Variants in PPP2R5C observed in about 807,000 individuals in gnomAD.
The protein encoded by PPP2R5C is protein phosphatase 2 regulatory subunit B'gamma.
In PPP2R5C, 7 loss-of-function variants were observed where a neutral mutation model predicts 68.9. The ratio of observed to expected loss-of-function variants is 0.10; its 90% CI spans 0.06 to 0.19. The LOEUF is 0.19. Among genes scored for constraint, PPP2R5C ranks in the 10% least tolerant of loss-of-function variants. The probability of loss-of-function intolerance (pLI) is 1.00; values close to 1 mark genes in which losing one functional copy is unlikely to be tolerated. For synonymous variants in PPP2R5C, 210 were observed against 222.2 expected, an observed-to-expected ratio of 0.95 and a Z score of 0.49; for missense variants, 348 against 641.3, an observed-to-expected ratio of 0.54 and a Z score of 4.94.
At chr14:101,833,104 G>A (rs750629651) in intron 1 of PPP2R5C, among the ~76,000 whole-genome samples, 5 of 152,228 alleles carry the variant, frequency 3.3e-5, no homozygotes, top group Admixed American at 6.5e-5. Flanking sequence ...GTGAGAAGTC[G>A]TCAGTAGCTT....
At chr14:101,806,150 G>A (rs2039065261), upstream of PPP2R5C, among the ~76,000 whole-genome samples, 1 of 151,832 alleles carries the variant, frequency 6.6e-6, no homozygotes. Flanking sequence ...GTGCAGGTTT[G>A]TTGCATAGGT....
chr14:101,800,530 T>C (rs1373561377), intron 3 of PPP2R5C, among the ~76,000 whole-genome samples: 1 of 151,498 alleles, frequency 6.6e-6, no homozygotes, highest in Non-Finnish European at 1.5e-5. Context: ...GCCATTGCAC[T>C]CCAGCCTGGG....
intron 2 of PPP2R5C, among the ~76,000 whole-genome samples, chr14:101,863,951 T>C (rs2042911463): frequency 6.6e-6 from 1 of 152,146 alleles, no homozygotes; most frequent in Non-Finnish European, 1.5e-5. Flanking sequence ...CTGTGGACTC[T>C]CTGGGGGTGT....
chr14:101,763,056 C>A, intron 2 of PPP2R5C, 86 bp downstream of exon 2: 1 of 1,193,342 alleles, frequency 8.4e-7, no homozygotes, highest in Non-Finnish European at 1.2e-6. Flanking sequence ...AGCCTAGAAT[C>A]TTCTAAAATG....
At chr14:101,761,821 G>C (rs1290127585), upstream of PPP2R5C, 16 of 975,312 alleles carry the variant, frequency 1.6e-5, no homozygotes, top group Non-Finnish European at 1.6e-5. Flanking sequence ...CGCGACGGCC[G>C]GGGCGGGGGC....
rs2045549191 is a variant in PPP2R5C at position 101,899,352 on chromosome 14, C to T, written c.853-2367C>T. Among the ~76,000 whole-genome samples the T allele has an allele frequency of 6.6e-6, 1 of 152,232 alleles. No individual in the cohort carries two copies. The highest frequency in any genetic ancestry group is 1.5e-5 in the Non-Finnish European group (1 of 68,036). ...GGCTGGGGCCACTGGCTCGCCTGCCCTCTGCAGGGAGCGGGCAGTCCTTGG... is the reference window on the plus strand; with the variant it reads ...GGCTGGGGCCACTGGCTCGCCTGCCTTCTGCAGGGAGCGGGCAGTCCTTGG... On this transcript the variant is annotated intron_variant, in intron 8 of 13. Coordinates refer to ENST00000334743, the Ensembl canonical transcript of PPP2R5C. This position sits in a 1 kb window ranked among gnomAD's most constrained non-coding sequence, Gnocchi z 4.2.
chr14:101,923,119 C>T (rs1458065433), intron 13 of PPP2R5C, among the ~76,000 whole-genome samples: 1 of 152,216 alleles, frequency 6.6e-6, no homozygotes, highest in African/African-American at 2.4e-5. Context: ...CATCAGCCTG[C>T]CATCTGCATG....
At chr14:101,892,019 C>T (rs1017876883) in intron 6 of PPP2R5C, among the ~76,000 whole-genome samples, 5 of 152,250 alleles carry the variant, frequency 3.3e-5, no homozygotes, top group East Asian at 1.9e-4. Context: ...TGCAGTGGCC[C>T]GATCTCAGCT....
At chr14:101,847,414 C>G (rs1313911749) in intron 1 of PPP2R5C, among the ~76,000 whole-genome samples, 3 of 152,252 alleles carry the variant, frequency 2.0e-5, no homozygotes, top group Non-Finnish European at 4.4e-5. Flanking sequence ...TTTAGTGCAG[C>G]CTTCAGTGCC....
At chr14:101,761,892 C>T (rs1595092565) in exon 1 of PPP2R5C, 3 of 1,166,834 alleles carry the variant, frequency 2.6e-6, no homozygotes, top group East Asian at 8.0e-5. Flanking sequence ...CCCGCTCCAG[C>T]CATGCCGAAT....
chr14:101,918,477 G>GC (rs1380069765), intron 13 of PPP2R5C, among the ~76,000 whole-genome samples: 3 of 24,114 alleles, frequency 1.2e-4, no homozygotes, highest in African/African-American at 1.2e-3. Context: ...CGCTCCTCTG[G>GC]CCCCCCACCC....
chr14:101,814,011 C>T (rs1309855316), intron 1 of PPP2R5C, among the ~76,000 whole-genome samples: 1 of 152,208 alleles, frequency 6.6e-6, no homozygotes, highest in African/African-American at 2.4e-5. Flanking sequence ...TGCGCTAAAT[C>T]TGGTGACTTA....
intron 13 of PPP2R5C, 119 bp from the exon 16 acceptor site, chr14:101,925,022 G>T (rs1313878241): frequency 1.3e-5 from 15 of 1,159,198 alleles, no homozygotes; most frequent in Admixed American, 1.1e-4. Flanking sequence ...CCAGGGTGCC[G>T]CCAGCGAGTG....
chr14:101,823,338 T>C (rs768393260), intron 1 of PPP2R5C, among the ~76,000 whole-genome samples: 34 of 152,132 alleles, frequency 2.2e-4, no homozygotes, highest in Admixed American at 3.3e-4. Context: ...CAGCCGCCAA[T>C]GTTTGATTTA....
At chr14:101,921,828 G>T (rs1209756461) in intron 13 of PPP2R5C, among the ~76,000 whole-genome samples, 2 of 152,136 alleles carry the variant, frequency 1.3e-5, no homozygotes, top group African/African-American at 4.8e-5. Context: ...TTTTTGTGGA[G>T]AAATTCAACC....
intron 1 of PPP2R5C, among the ~76,000 whole-genome samples, chr14:101,849,217 T>C (rs994364832): frequency 1.3e-5 from 2 of 152,232 alleles, no homozygotes; most frequent in Non-Finnish European, 2.9e-5. Context: ...GACATTCCTT[T>C]ACCTCGGTTG....
rs1392822608 is a variant in PPP2R5C at position 101,891,557 on chromosome 14, G to T, written c.689+1261G>T. Among the ~76,000 whole-genome samples the T allele has an allele frequency of 6.6e-6, 1 of 152,072 alleles. No individual in the cohort carries two copies. Among genetic ancestry groups the T allele is most frequent in the Non-Finnish European group, 1.5e-5 (1 of 68,000 alleles). ...CCTAGGTTGTTGCAGGGACCGGAGC[G>T]CTGTATGACATGTGTTCCACAGCCC... On this transcript the variant is annotated intron_variant, in intron 6 of 13. Coordinates refer to ENST00000334743, the Ensembl canonical transcript of PPP2R5C. This position sits in a 1 kb window ranked among gnomAD's most constrained non-coding sequence, Gnocchi z 4.9.
Position 101,835,106 on chromosome 14 carries a change from T to C in PPP2R5C, c.95-21580T>C, listed in dbSNP as rs2041001882. On this transcript the variant is annotated intron_variant, in intron 1 of 13. Coordinates refer to ENST00000334743, the Ensembl canonical transcript of PPP2R5C. The surrounding 1 kb of genome is among the most constrained non-coding windows in gnomAD (Gnocchi z 5.0). The stretch of plus-strand genomic sequence containing the variant: ...GTCTTCAGGGACTGGGAGTCTCTGA[T>C]TCCAGCACAGCCGACTGTCCAGCAA... Among the ~76,000 whole-genome samples, 1 of 152,094 alleles carries C rather than the reference T, an allele frequency of 6.6e-6. No individual in the cohort carries two copies. Among genetic ancestry groups the C allele is most frequent in the Non-Finnish European group, 1.5e-5 (1 of 68,024 alleles).
chr14:101,819,780 G>A (rs2039937092), intron 1 of PPP2R5C: 1 of 152,278 alleles, frequency 6.6e-6, no homozygotes, highest in African/African-American at 2.4e-5. Flanking sequence ...CACACCCAGC[G>A]TGGTTTTTTG....
Sources: gnomAD v4.1 joint callset for allele counts (sites outside exome capture counted in the v4.1 genomes callset) on GRCh38, gnomAD v4.1.1 for gene constraint, Gnocchi (gnomAD v3.1) non-coding constraint, MANE v1.5 for transcripts, NCBI Gene and HGNC (gene_info 2026-07-23, HGNC 2026-07-21) for gene names.